BCAS3: variants seen among roughly 807,000 people sequenced by gnomAD.
The protein encoded by BCAS3 is BCAS3 microtubule associated cell migration factor, also known as BCAS4/BCAS3 fusion.
Under a neutral mutation model 116.1 loss-of-function variants are expected in BCAS3, and 53 were observed. The observed-to-expected ratio is 0.46, with a 90% CI of 0.37 to 0.57. The LOEUF (loss-of-function observed/expected upper bound fraction) is 0.57, where lower values mean the gene tolerates loss of function less well. BCAS3 is among the 20% of genes least tolerant of loss of function. BCAS3 has a pLI of 0.00. For missense variants in BCAS3, 917 were observed against 1,165.4 expected, an observed-to-expected ratio of 0.79 and a Z score of 3.10; for synonymous variants, 391 against 408.2, an observed-to-expected ratio of 0.96 and a Z score of 0.51.
chr17:61,283,721 GAGATTAC>G (rs1439645274), intron 22 of BCAS3, among the ~76,000 whole-genome samples: 1 of 152,124 alleles, frequency 6.6e-6, no homozygotes, highest in African/African-American at 2.4e-5. Flanking sequence ...CCAAACTGCT[GAGATTAC>G]AGGCGTGAGC....
chr17:61,048,411 T>C (rs1319851210), intron 19 of BCAS3, among the ~76,000 whole-genome samples: 1 of 152,012 alleles, frequency 6.6e-6, no homozygotes, highest in African/African-American at 2.4e-5. Flanking sequence ...TTATCGTCTT[T>C]GGAGTTTCTA....
chr17:60,704,204 C>A (rs939359292), intron 4 of BCAS3, among the ~76,000 whole-genome samples: 4 of 152,034 alleles, frequency 2.6e-5, no homozygotes, highest in African/African-American at 9.7e-5. Flanking sequence ...TCTGCCTGAA[C>A]GAGTTTTTTA....
At chr17:60,951,518 T>A (rs1599917193) in intron 14 of BCAS3, among the ~76,000 whole-genome samples, 1 of 152,192 alleles carries the variant, frequency 6.6e-6, no homozygotes, top group South Asian at 2.1e-4. Context: ...ATTCTTAAGA[T>A]CCCCAAACAT....
rs1027333516 is a variant in BCAS3 at position 61,235,988 on chromosome 17, A to G, written c.2426-132339A>G. Among the ~76,000 whole-genome samples, 2 of 152,222 alleles carry G rather than the reference A, an allele frequency of 1.3e-5. No individual in the cohort carries two copies. Among genetic ancestry groups the G allele is most frequent in the Non-Finnish European group, 2.9e-5 (2 of 68,050 alleles). Reference sequence around the variant, plus strand: ...CAAGAATTTGGACTGCAGCAGTCGGACCAGTTAAATTATAGTTAGTAAAAC... The same window carrying G: ...CAAGAATTTGGACTGCAGCAGTCGGGCCAGTTAAATTATAGTTAGTAAAAC... On this transcript the variant is annotated intron_variant, in intron 22 of 23. Coordinates refer to ENST00000407086, the MANE Select transcript of BCAS3 (RefSeq NM_017679.5). This position sits in a 1 kb window ranked among gnomAD's most constrained non-coding sequence, Gnocchi z 5.0.
intron 13 of BCAS3, among the ~76,000 whole-genome samples, chr17:60,924,772 A>G (rs1048714959): frequency 6.6e-6 from 1 of 152,104 alleles, no homozygotes; most frequent in Non-Finnish European, 1.5e-5. Context: ...ATTTCTGTTT[A>G]TAATTACTCC....
At chr17:60,987,481 A>G (rs1229983339) in intron 14 of BCAS3, among the ~76,000 whole-genome samples, 1 of 151,988 alleles carries the variant, frequency 6.6e-6, no homozygotes, top group Non-Finnish European at 1.5e-5. Context: ...AACATGGAAT[A>G]TCTTTCTATT....
intron 10 of BCAS3, among the ~76,000 whole-genome samples, chr17:60,897,467 G>A (rs1040035956): frequency 5.9e-5 from 9 of 152,108 alleles, no homozygotes; most frequent in African/African-American, 1.4e-4. Flanking sequence ...TTAGACTTGG[G>A]AAGTTTTCAT....
At position 61,333,663 on chromosome 17, in the gene BCAS3, T is replaced by C. The variant is rs1179072608; in HGVS notation, c.2426-34664T>C. On this transcript the variant is annotated intron_variant, in intron 22 of 23. Transcript: ENST00000407086. The surrounding 1 kb of genome is among the most constrained non-coding windows in gnomAD (Gnocchi z 4.8). The stretch of plus-strand genomic sequence containing the variant: ...TGAGACAGAGTCTCGCTCTGTCGCC[T>C]AGGCTGGAGTGCAGTGGTGCGATCT... Among the ~76,000 whole-genome samples the C allele has an allele frequency of 3.5e-4, 53 of 150,280 alleles. No individual in the cohort carries two copies. Among genetic ancestry groups the C allele is most frequent in the Non-Finnish European group, 6.5e-4 (44 of 67,744 alleles).
At chr17:61,045,865 A>ATATATAT (rs757031336) in intron 19 of BCAS3, among the ~76,000 whole-genome samples, 112 of 3,940 alleles carry the variant, frequency 0.028, 1 homozygote, top group Non-Finnish European at 0.039. Context: ...ATATATATAT[A>ATATATAT]AATATATATA....
rs2064790869 is a variant in BCAS3, at chr17:61,007,401, A to T, written c.1487-8350A>T. 6.6e-6 allele frequency among the ~76,000 whole-genome samples: 1 copy of T among 152,050 alleles called. No individual in the cohort carries two copies. The highest frequency in any genetic ancestry group is 1.5e-5 in the Non-Finnish European group (1 of 67,984). Reference sequence around the variant, plus strand: ...TTTAATTTTTAGGCATCAAATTTCTAAATTTATTGGGTTTATTTTAGCTTT... The same window carrying T: ...TTTAATTTTTAGGCATCAAATTTCTTAATTTATTGGGTTTATTTTAGCTTT... On this transcript the variant is annotated intron_variant, in intron 15 of 23. Coordinates refer to ENST00000407086, the MANE Select transcript of BCAS3 (RefSeq NM_017679.5). This position sits in a 1 kb window ranked among gnomAD's most constrained non-coding sequence, Gnocchi z 4.3.
intron 14 of BCAS3, among the ~76,000 whole-genome samples, chr17:60,975,300 C>A (rs2062262463): frequency 6.6e-6 from 1 of 152,164 alleles, no homozygotes; most frequent in Non-Finnish European, 1.5e-5. Context: ...CGCGCCCGGC[C>A]TCAAGCCATT....
chr17:61,220,127 C>T lies in BCAS3; in HGVS notation c.2425+135563C>T, dbSNP rs1387238113. Among the ~76,000 whole-genome samples the T allele has an allele frequency of 2.0e-5, 3 of 152,076 alleles. No individual in the cohort carries two copies. Among genetic ancestry groups the T allele is most frequent in the African/African-American group, 7.2e-5 (3 of 41,418 alleles). ...TGGCCAATACAGTGAAATCACGTCT[C>T]TACTAATAATACAAAAATTAGCCAG... On this transcript the variant is annotated intron_variant, in intron 22 of 23. Coordinates refer to ENST00000407086, the MANE Select transcript of BCAS3 (RefSeq NM_017679.5). This position sits in a 1 kb window ranked among gnomAD's most constrained non-coding sequence, Gnocchi z 4.5.
intron 9 of BCAS3, among the ~76,000 whole-genome samples, chr17:60,880,358 G>A (rs941737737): frequency 7.2e-5 from 11 of 151,746 alleles, no homozygotes; most frequent in African/African-American, 2.2e-4. Context: ...GCACAGTCTC[G>A]GCTCACTGCA....
Position 60,874,560 on chromosome 17 carries a change from G to A in BCAS3, c.585-102G>A, listed in dbSNP as rs958185822. 7 of 690,170 alleles carry A rather than the reference G, an allele frequency of 1.0e-5. No individual in the cohort carries two copies. In the African/African-American group the frequency reaches 1.3e-4, roughly 12 times the overall value. The allele number at this position is 690,170 out of a possible 1,614,324, so 42.8% of individuals were successfully genotyped here. A position where few individuals can be genotyped will look rare whatever the true frequency, so the allele number is the denominator to read the frequency against. On this transcript the variant is annotated intron_variant, in intron 8 of 23. Coordinates refer to ENST00000407086, the MANE Select transcript of BCAS3 (RefSeq NM_017679.5). Reference sequence around the variant, plus strand: ...TTTAATTTTAAAATTGTATTAGTAGGCACTTGTTTTCATCTAGATGATATA... The same window carrying A: ...TTTAATTTTAAAATTGTATTAGTAGACACTTGTTTTCATCTAGATGATATA...
At chr17:60,761,440 A>T (rs975727419) in intron 6 of BCAS3, among the ~76,000 whole-genome samples, 1 of 141,954 alleles carries the variant, frequency 7.0e-6, no homozygotes. Flanking sequence ...TCCACCTATG[A>T]GTGAGAATAT....
At chr17:60,764,202 C>T (rs138707756) in intron 6 of BCAS3, among the ~76,000 whole-genome samples, 40,997 of 150,284 alleles carry the variant, frequency 0.27, 11,195 homozygotes, top group African/African-American at 0.71. Flanking sequence ...TCCTTCAATT[C>T]TGCTCTGATC....
Position 61,124,284 on chromosome 17 carries a change from A to C in BCAS3, c.2425+39720A>C, listed in dbSNP as rs74831338. Among the ~76,000 whole-genome samples the C allele has an allele frequency of 0.058, 8,832 of 152,242 alleles. 337 individuals are homozygous for C. Among genetic ancestry groups the C allele is most frequent in the Non-Finnish European group, 0.094 (6,395 of 67,992 alleles). ...TGAAACATGAAGTGATAATACCATTAATCTATTAACAAATAATTGCCCTTG... is the reference window on the plus strand; with the variant it reads ...TGAAACATGAAGTGATAATACCATTCATCTATTAACAAATAATTGCCCTTG... On this transcript the variant is annotated intron_variant, in intron 22 of 23. Transcript: ENST00000407086. The surrounding 1 kb of genome is among the most constrained non-coding windows in gnomAD (Gnocchi z 4.6).
At chr17:60,872,620 G>GTA (rs2055219849) in intron 8 of BCAS3, among the ~76,000 whole-genome samples, 1 of 148,786 alleles carries the variant, frequency 6.7e-6, no homozygotes, top group African/African-American at 2.5e-5. Flanking sequence ...CTATTTTTAT[G>GTA]TATATACACA....
chr17:60,692,524 G>A (rs561612081), intron 4 of BCAS3, among the ~76,000 whole-genome samples: 4 of 152,132 alleles, frequency 2.6e-5, no homozygotes, highest in Non-Finnish European at 5.9e-5. Context: ...TTACAGGCGT[G>A]AGCTACCATG....
Sources: allele counts gnomAD v4.1 joint callset (sites outside exome capture counted in the v4.1 genomes callset), GRCh38; gene constraint gnomAD v4.1.1; non-coding constraint Gnocchi (gnomAD v3.1); transcripts MANE v1.5; gene names NCBI Gene and HGNC (gene_info 2026-07-23, HGNC 2026-07-21).